The following GPC4 variants were observed in gnomAD, a reference collection of about 807,000 sequenced individuals.
The protein encoded by GPC4 is glypican-4.
A neutral mutation model predicts 35.0 loss-of-function variants in GPC4; 10 were observed. The observed-to-expected ratio is 0.29, with a 90% CI of 0.18 to 0.48. The LOEUF (loss-of-function observed/expected upper bound fraction) is 0.48, where lower values mean the gene tolerates loss of function less well. Among genes scored for constraint, GPC4 ranks in the 20% least tolerant of loss-of-function variants. GPC4 has a pLI of 0.99. For missense variants in GPC4, 322 were observed against 451.3 expected (o/e 0.71, Z 2.60); for synonymous variants, 167 against 170.2 (o/e 0.98, Z 0.15).
chrX:133,415,164 C>A lies in GPC4; in HGVS notation c.-199G>T. On this transcript the variant is annotated 5_prime_UTR_variant, in exon 1 of 9. Transcript: ENST00000370828. ...GCTGGGCCTCGCGTCAGGCAACGGT[C>A]CCCGGTGCCAGGCGCCGGGCCAGGG... 2.4e-6 allele frequency: 1 copy of A among 420,902 alleles called. No homozygotes were observed. Among genetic ancestry groups the A allele is most frequent in the South Asian group, 4.1e-5 (1 of 24,502 alleles). The allele number at this position is 420,902 out of a possible 1,213,427, so 34.7% of individuals were successfully genotyped here. A position where few individuals can be genotyped will look rare whatever the true frequency, so the allele number is the denominator to read the frequency against.
chrX:133,346,582 T>C (rs2068492090), intron 1 of GPC4, among the ~76,000 whole-genome samples: 2 of 110,913 alleles, frequency 1.8e-5, no homozygotes, highest in South Asian at 7.7e-4. Context: ...AATAAGTACA[T>C]TGTGGGGAAA....
intron 2 of GPC4, among the ~76,000 whole-genome samples, chrX:133,336,895 T>C (rs1488880796): frequency 9.0e-6 from 1 of 111,269 alleles, no homozygotes; most frequent in Non-Finnish European, 1.9e-5. Flanking sequence ...CTTGGCTCAC[T>C]GCAGCCTTGA....
intron 1 of GPC4, among the ~76,000 whole-genome samples, chrX:133,345,116 C>A (rs2068486895): frequency 9.0e-6 from 1 of 111,445 alleles, no homozygotes; most frequent in Non-Finnish European, 1.9e-5. Context: ...CTACTTGGTT[C>A]TTTTATTCTG....
intron 1 of GPC4, among the ~76,000 whole-genome samples, chrX:133,343,603 G>C (rs1425763760): frequency 9.0e-6 from 1 of 111,046 alleles, no homozygotes; most frequent in African/African-American, 3.3e-5. Context: ...TTCTTTGTGG[G>C]TCAGTGGCCC....
chrX:133,367,273 T>G (rs1054279260), intron 1 of GPC4, among the ~76,000 whole-genome samples: 1 of 111,889 alleles, frequency 8.9e-6, no homozygotes, highest in Non-Finnish European at 1.9e-5. Flanking sequence ...CTCTGTGTGA[T>G]CCTTTTCAGA....
At chrX:133,400,662 C>T (rs2068764625) in intron 1 of GPC4, among the ~76,000 whole-genome samples, 1 of 112,038 alleles carries the variant, frequency 8.9e-6, no homozygotes, top group Admixed American at 9.5e-5. Context: ...CTCATATTCA[C>T]AAGTCCTAAA....
intron 1 of GPC4, among the ~76,000 whole-genome samples, chrX:133,365,151 C>T (rs1451235212): frequency 2.7e-5 from 3 of 111,225 alleles, no homozygotes; most frequent in African/African-American, 9.8e-5. Context: ...TTTGTTAAAG[C>T]TTCTCAATTT....
intron 1 of GPC4, among the ~76,000 whole-genome samples, chrX:133,389,579 C>T (rs2124172846): frequency 9.0e-6 from 1 of 111,405 alleles, no homozygotes; most frequent in East Asian, 2.8e-4. Context: ...TGTATAAAGG[C>T]CTGCGGGCGA....
chrX:133,414,734 G>A, intron 1 of GPC4, 72 bp downstream of exon 1: 2 of 1,156,730 alleles, frequency 1.7e-6, no homozygotes, highest in Non-Finnish European at 2.3e-6. Context: ...CGGCGGGGCG[G>A]GGGAAGGGAG....
At chrX:133,323,930 T>C (rs1218782410) in intron 3 of GPC4, among the ~76,000 whole-genome samples, 1 of 111,545 alleles carries the variant, frequency 9.0e-6, no homozygotes. Flanking sequence ...ACAATAATAA[T>C]GATAGGTGAA....
At chrX:133,398,581 C>A (rs762391104) in intron 1 of GPC4, among the ~76,000 whole-genome samples, 76 of 111,144 alleles carry the variant, frequency 6.8e-4, no homozygotes, top group Non-Finnish European at 8.1e-4. Flanking sequence ...CCAGCCTGGC[C>A]AACATGGTAA....
chrX:133,401,138 T>G (rs1241876452), intron 1 of GPC4, among the ~76,000 whole-genome samples: 3 of 111,117 alleles, frequency 2.7e-5, no homozygotes, highest in East Asian at 5.7e-4. Flanking sequence ...GGATGGGACC[T>G]GGATAAAGAT....
intron 1 of GPC4, among the ~76,000 whole-genome samples, chrX:133,350,509 TG>T (rs1002252720): frequency 9.2e-6 from 1 of 108,598 alleles, no homozygotes; most frequent in East Asian, 2.9e-4. Context: ...TGGAGTGGGG[TG>T]GGGGGGAATG....
chrX:133,380,192 C>T lies in GPC4; in HGVS notation c.160+34614G>A, dbSNP rs368243283. On this transcript the variant is annotated intron_variant, in intron 1 of 8. Transcript: ENST00000370828. Reference sequence around the variant, plus strand: ...TCTCTATTAAAGGTACAAATATTAGCCAAGCGTGGTGGTGGGTGCCTGTAA... The same window carrying T: ...TCTCTATTAAAGGTACAAATATTAGTCAAGCGTGGTGGTGGGTGCCTGTAA... Among the ~76,000 whole-genome samples, 16 of 110,510 alleles carry T rather than the reference C, an allele frequency of 1.4e-4. 1 individual carries two copies. The South Asian group carries it at 6.3e-3, about 44-fold the overall frequency.
At position 133,415,056 on chromosome X, in the gene GPC4, C is replaced by G; in HGVS notation, c.-91G>C. On this transcript the variant is annotated 5_prime_UTR_variant, in exon 1 of 9. Coordinates refer to ENST00000370828, the MANE Select transcript of GPC4 (RefSeq NM_001448.3). The stretch of plus-strand genomic sequence containing the variant: ...GGCCGAGGGCTGGCGGAGTCGGGGA[C>G]TAGCGAGTGGAGCTGGAGGGAGAAG... The G allele has an allele frequency of 1.1e-6, 1 of 935,062 alleles. No homozygotes were observed. Among genetic ancestry groups the G allele is most frequent in the Admixed American group, 2.7e-5 (1 of 37,298 alleles). 77.1% of individuals were successfully genotyped at this position (935,062 alleles called of 1,213,427 possible). A position where few individuals can be genotyped will look rare whatever the true frequency, so the allele number is the denominator to read the frequency against.
chrX:133,383,983 G>A (rs902830878), intron 1 of GPC4, among the ~76,000 whole-genome samples: 1 of 111,564 alleles, frequency 9.0e-6, no homozygotes, highest in Non-Finnish European at 1.9e-5. Context: ...CATGTGTTGG[G>A]GTAGAAGGTA....
At chrX:133,347,527 A>G (rs1167591103) in intron 1 of GPC4, among the ~76,000 whole-genome samples, 1 of 110,379 alleles carries the variant, frequency 9.1e-6, no homozygotes, top group Non-Finnish European at 1.9e-5. Flanking sequence ...TTACCAAAAT[A>G]GTTTCTGTTC....
At chrX:133,348,006 T>C (rs2068500842) in intron 1 of GPC4, among the ~76,000 whole-genome samples, 1 of 112,260 alleles carries the variant, frequency 8.9e-6, no homozygotes, top group African/African-American at 3.2e-5. Context: ...CAGAAACACA[T>C]ACATTCAATA....
intron 1 of GPC4, among the ~76,000 whole-genome samples, chrX:133,397,762 T>C (rs1391455658): frequency 2.7e-5 from 3 of 111,428 alleles, no homozygotes; most frequent in East Asian, 2.8e-4. Context: ...CTTACCCTTA[T>C]AATAATAGTA....
Sources: allele counts gnomAD v4.1 joint callset (sites outside exome capture counted in the v4.1 genomes callset), GRCh38; gene constraint gnomAD v4.1.1; transcripts MANE v1.5; gene names NCBI Gene and HGNC (gene_info 2026-07-23, HGNC 2026-07-21).